SFMBT2: variants seen among roughly 807,000 people sequenced by gnomAD.
SFMBT2 encodes the protein Scm like with four mbt domains 2.
Under a neutral mutation model 110.1 loss-of-function variants are expected in SFMBT2, and 38 were observed. The observed-to-expected ratio is 0.35, with a 90% confidence interval of 0.27 to 0.45. SFMBT2 has a LOEUF of 0.45. Among genes scored for constraint, SFMBT2 ranks in the 20% least tolerant of loss-of-function variants. The probability of loss-of-function intolerance (pLI) is 1.00; values close to 1 mark genes in which losing one functional copy is unlikely to be tolerated. For synonymous variants in SFMBT2, 425 were observed against 425.4 expected (o/e 1.00, Z 0.01); for missense variants, 1,011 against 1,094.9 (o/e 0.92, Z 1.08).
chr10:7,374,261 CAACAA>C (rs915051036), intron 2 of SFMBT2, among the ~76,000 whole-genome samples: 20 of 151,998 alleles, frequency 1.3e-4, no homozygotes, highest in Non-Finnish European at 2.9e-5. Context: ...GACTCCATCT[CAACAA>C]AACAAAACAA....
At position 7,197,831 on chromosome 10, in the gene SFMBT2, A is replaced by G. The variant is rs78030159; in HGVS notation, c.1559-144T>C. Reference sequence around the variant, plus strand: ...TCTTGGCTGATGGGGAGTCAGGCGTAATAAAAGCAATGGAACCCAAAATGA... The same window carrying G: ...TCTTGGCTGATGGGGAGTCAGGCGTGATAAAAGCAATGGAACCCAAAATGA... On this transcript the variant is annotated intron_variant, in intron 14 of 20. Transcript: ENST00000397167. 8.9e-5 allele frequency: 113 copies of G among 1,263,592 alleles called. No homozygotes were observed. The African/African-American group carries it at 1.5e-3, about 17-fold the overall frequency. 78.3% of individuals were successfully genotyped at this position (1,263,592 alleles called of 1,614,324 possible). A position where few individuals can be genotyped will look rare whatever the true frequency, so the allele number is the denominator to read the frequency against.
Position 7,381,939 on chromosome 10 carries a change from GA to G in SFMBT2, c.-42del. 6.8e-7 allele frequency: 1 copy of G among 1,462,630 alleles called. No individual in the cohort carries two copies. The highest frequency in any genetic ancestry group is 9.1e-7 in the Non-Finnish European group (1 of 1,098,756). 90.6% of individuals were successfully genotyped at this position (1,462,630 alleles called of 1,614,324 possible). ...GTCTCTTCTCTTAATTCATCCTGCA[GA>G]AAAAATTACCTAAGAGCAATCAAAA... On this transcript the variant is annotated 5_prime_UTR_variant, in exon 2 of 21. An upstream open reading frame in the 5' UTR gains an earlier in-frame stop. Transcript: ENST00000397167.
intron 7 of SFMBT2, among the ~76,000 whole-genome samples, chr10:7,257,114 A>AGGGGAGGGGG (rs1841037882): frequency 3.0e-5 from 3 of 100,910 alleles, no homozygotes; most frequent in Non-Finnish European, 6.0e-5. Flanking sequence ...AGGGGAGGGG[A>AGGGGAGGGGG]GGGGAGGGGA....
chr10:7,326,198 T>A (rs1443988700), intron 4 of SFMBT2, among the ~76,000 whole-genome samples: 1 of 152,108 alleles, frequency 6.6e-6, no homozygotes, highest in Non-Finnish European at 1.5e-5. Flanking sequence ...TCTTGAAAAA[T>A]TCAGACTATT....
chr10:7,182,676 A>G (rs1283460868), intron 16 of SFMBT2, among the ~76,000 whole-genome samples: 1 of 129,076 alleles, frequency 7.7e-6, no homozygotes, highest in African/African-American at 2.9e-5. Context: ...ATGAGAACAC[A>G]TGGACACAGG....
At chr10:7,239,180 A>G (rs1297970555) in intron 9 of SFMBT2, among the ~76,000 whole-genome samples, 1 of 152,154 alleles carries the variant, frequency 6.6e-6, no homozygotes, top group Non-Finnish European at 1.5e-5. Flanking sequence ...CTGCTTCCCA[A>G]CCTCTTTTTG....
At position 7,200,525 on chromosome 10, in the gene SFMBT2, TTA is replaced by T. The variant is rs770063572; in HGVS notation, c.1488-43_1488-42del. ...ATAAAACTATCAGGGACCACAAGCTTTAGAAGGAACTACTACATTCCAAAGTC... is the reference window on the plus strand; with the variant it reads ...ATAAAACTATCAGGGACCACAAGCTTGAAGGAACTACTACATTCCAAAGTC... On this transcript the variant is annotated intron_variant, in intron 13 of 20. Coordinates refer to ENST00000397167, the MANE Select transcript of SFMBT2 (RefSeq NM_001387889.1). 1.6e-5 allele frequency: 24 copies of T among 1,535,748 alleles called. No homozygotes were observed. In the African/African-American group the frequency reaches 3.0e-4, roughly 19 times the overall value.
chr10:7,298,434 G>A (rs1842467054), intron 4 of SFMBT2, among the ~76,000 whole-genome samples: 1 of 152,200 alleles, frequency 6.6e-6, no homozygotes, highest in Non-Finnish European at 1.5e-5. Flanking sequence ...CCAACAGCCA[G>A]GCCAGTTCCC....
At chr10:7,318,283 C>T (rs1232099071) in intron 4 of SFMBT2, among the ~76,000 whole-genome samples, 1 of 152,202 alleles carries the variant, frequency 6.6e-6, no homozygotes, top group East Asian at 1.9e-4. Flanking sequence ...CCTAAGAAGC[C>T]CTTTTAGATA....
Position 7,172,359 on chromosome 10 carries a change from G to A in SFMBT2, c.2151+136C>T. The A allele has an allele frequency of 1.3e-6, 2 of 1,504,784 alleles. No homozygotes were observed. Among genetic ancestry groups the A allele is most frequent in the Non-Finnish European group, 1.8e-6 (2 of 1,129,132 alleles). The allele number at this position is 1,504,784 out of a possible 1,614,324, so 93.2% of individuals were successfully genotyped here. A position where few individuals can be genotyped will look rare whatever the true frequency, so the allele number is the denominator to read the frequency against. ...ACATTTGTTTTCAGCAAGTAAGGAGGAGGGGGCTCTTCTTCAGTGTTTCTG... is the reference window on the plus strand; with the variant it reads ...ACATTTGTTTTCAGCAAGTAAGGAGAAGGGGGCTCTTCTTCAGTGTTTCTG... On this transcript the variant is annotated intron_variant, in intron 18 of 20. Transcript: ENST00000397167. The surrounding 1 kb of genome is among the most constrained non-coding windows in gnomAD (Gnocchi z 4.6).
rs959607370 is a variant in SFMBT2, at chr10:7,203,002, C to T, written c.1445-480G>A. 4.1e-6 allele frequency: 4 copies of T among 985,288 alleles called. No homozygotes were observed. The African/African-American group carries it at 7.0e-5, about 17-fold the overall frequency. 61.0% of individuals were successfully genotyped at this position (985,288 alleles called of 1,614,324 possible). A position where few individuals can be genotyped will look rare whatever the true frequency, so the allele number is the denominator to read the frequency against. ...GGAGAACCAGTAGCTCGCAAATACG[C>T]CTGGTCAAATATTGACATAAATGAG... On this transcript the variant is annotated intron_variant, in intron 12 of 20. Transcript: ENST00000397167.
At chr10:7,184,432 C>T (rs562589503) in intron 16 of SFMBT2, among the ~76,000 whole-genome samples, 7 of 152,230 alleles carry the variant, frequency 4.6e-5, no homozygotes, top group Non-Finnish European at 7.3e-5. Flanking sequence ...TTTCACCTTC[C>T]GCTGTGATTA....
At chr10:7,304,669 T>A (rs895513054) in intron 4 of SFMBT2, among the ~76,000 whole-genome samples, 1 of 152,218 alleles carries the variant, frequency 6.6e-6, no homozygotes, top group Non-Finnish European at 1.5e-5. Flanking sequence ...GATTTAACTA[T>A]GCCTAAATAT....
In SFMBT2 at chr10:7,349,440, C is replaced by CTTTTTTTTTTTTTTTTTTT. The variant is rs369479041; in HGVS notation, c.436+18190_436+18208dup. On this transcript the variant is annotated intron_variant, in intron 4 of 20. Coordinates refer to ENST00000397167, the MANE Select transcript of SFMBT2 (RefSeq NM_001387889.1). ...CCCTGACTCTTTTTTCTTTTCTTTT[C>CTTTTTTTTTTTTTTTTTTT]TTTTTTTTTTTTTTTTTTTTTTTTT... is the stretch of plus-strand genomic sequence containing the variant. Among the ~76,000 whole-genome samples, 85 of 46,868 alleles carry CTTTTTTTTTTTTTTTTTTT rather than the reference C, an allele frequency of 1.8e-3. 12 individuals carry two copies. Among genetic ancestry groups the CTTTTTTTTTTTTTTTTTTT allele is most frequent in the Admixed American group, 2.5e-3 (6 of 2,414 alleles). 30.7% of individuals were successfully genotyped at this position (46,868 alleles called of 152,430 possible).
intron 20 of SFMBT2, among the ~76,000 whole-genome samples, chr10:7,166,314 G>C (rs1837691748): frequency 6.6e-6 from 1 of 152,234 alleles, no homozygotes; most frequent in Non-Finnish European, 1.5e-5. Context: ...ATTAAACTTT[G>C]AAGGGAAAAC....
At chr10:7,194,473 A>C (rs1482574685) in intron 15 of SFMBT2, among the ~76,000 whole-genome samples, 1 of 152,152 alleles carries the variant, frequency 6.6e-6, no homozygotes, top group Non-Finnish European at 1.5e-5. Flanking sequence ...TTCTGGCAGA[A>C]CAGATCAGGG....
intron 7 of SFMBT2, among the ~76,000 whole-genome samples, chr10:7,255,920 C>T (rs1359049821): frequency 1.3e-5 from 2 of 152,192 alleles, no homozygotes; most frequent in Admixed American, 1.3e-4. Flanking sequence ...TTCAGATGCT[C>T]AACAGACAAA....
chr10:7,317,573 G>A (rs777705120), intron 4 of SFMBT2, among the ~76,000 whole-genome samples: 7 of 144,154 alleles, frequency 4.9e-5, no homozygotes, highest in South Asian at 2.2e-4. Flanking sequence ...CTCAGGAGGC[G>A]GAGGTTGCGG....
intron 17 of SFMBT2, among the ~76,000 whole-genome samples, chr10:7,174,960 T>TG (rs1440634355): frequency 1.3e-5 from 2 of 152,062 alleles, no homozygotes; most frequent in African/African-American, 4.8e-5. Context: ...TGTGTGTGTG[T>TG]TGTGTGTGTG....
Sources: gnomAD v4.1 joint callset for allele counts (sites outside exome capture counted in the v4.1 genomes callset) on GRCh38, gnomAD v4.1.1 for gene constraint, Gnocchi (gnomAD v3.1) non-coding constraint, MANE v1.5 for transcripts, NCBI Gene and HGNC (gene_info 2026-07-23, HGNC 2026-07-21) for gene names.